RASAL2: variants seen among roughly 807,000 people sequenced by gnomAD.
RASAL2 encodes the protein ras GTPase-activating protein nGAP.
RASAL2 carries 58 observed loss-of-function variants against 128.9 expected under a neutral mutation model. That is an observed-to-expected ratio of 0.45 (90% CI 0.36 to 0.56). The LOEUF is 0.56. RASAL2 is among the 20% of genes least tolerant of loss of function. The probability of loss-of-function intolerance (pLI) is 0.00; values close to 1 mark genes in which losing one functional copy is unlikely to be tolerated. For missense variants in RASAL2, 1,360 were observed against 1,601.6 expected, an observed-to-expected ratio of 0.85 and a Z score of 2.57; for synonymous variants, 561 against 580.8, an observed-to-expected ratio of 0.97 and a Z score of 0.49.
At chr1:178,464,847 T>G (rs1172579547) in intron 15 of RASAL2, among the ~76,000 whole-genome samples, 12 of 147,860 alleles carry the variant, frequency 8.1e-5, no homozygotes, top group South Asian at 2.1e-4. Context: ...TTTTTTTTTT[T>G]TTTTTTTTTG....
At chr1:178,467,166 A>T (rs1292306372) in intron 16 of RASAL2, among the ~76,000 whole-genome samples, 168 bp from the exon 17 acceptor site, 2 of 152,206 alleles carry the variant, frequency 1.3e-5, no homozygotes, top group African/African-American at 2.4e-5. Flanking sequence ...TCCAGGCACA[A>T]GGAGAAAAAT....
At chr1:178,355,614 AAAG>A (rs1670761682) in intron 3 of RASAL2, among the ~76,000 whole-genome samples, 1 of 152,220 alleles carries the variant, frequency 6.6e-6, no homozygotes, top group East Asian at 1.9e-4. Flanking sequence ...CACCAATTAT[AAAG>A]AAGAAAAAGG....
At position 178,272,199 on chromosome 1, in the gene RASAL2, T is replaced by C. The variant is rs191136534; in HGVS notation, c.203-11365T>C. Among the ~76,000 whole-genome samples, 68 of 152,290 alleles carry C rather than the reference T, an allele frequency of 4.5e-4. No homozygotes were observed. The South Asian group carries it at 7.7e-3, about 17-fold the overall frequency. On this transcript the variant is annotated intron_variant, in intron 1 of 17. Coordinates refer to ENST00000367649, the MANE Select transcript of RASAL2 (RefSeq NM_170692.4). The stretch of plus-strand genomic sequence containing the variant: ...TTGTTCATTGTTATATCCCGAGGCT[T>C]GAGTACAGTGCTTTACTTACAATAA...
intron 3 of RASAL2, among the ~76,000 whole-genome samples, chr1:178,353,675 A>G (rs903854654): frequency 1.5e-4 from 23 of 152,190 alleles, no homozygotes; most frequent in Non-Finnish European, 1.9e-4. Flanking sequence ...TTCAGTACTA[A>G]TTTTTTGGCT....
chr1:178,111,082 A>G (rs535345521), intron 1 of RASAL2, among the ~76,000 whole-genome samples: 53 of 152,236 alleles, frequency 3.5e-4, no homozygotes, highest in Admixed American at 2.9e-3. Context: ...ATATTTTGAG[A>G]TTCATCCATG....
intron 1 of RASAL2, chr1:178,123,925 G>C (rs1659802794): frequency 6.6e-6 from 1 of 152,234 alleles, no homozygotes. Context: ...CTTCTGCCTC[G>C]GCCTTCCAAA....
intron 3 of RASAL2, among the ~76,000 whole-genome samples, chr1:178,301,515 C>T (rs954018236): frequency 1.3e-5 from 2 of 152,054 alleles, no homozygotes; most frequent in African/African-American, 4.8e-5. Flanking sequence ...TCACTGCAGC[C>T]TCCACCTACT....
intron 7 of RASAL2, among the ~76,000 whole-genome samples, chr1:178,442,455 CTA>C (rs1353015051): frequency 6.6e-6 from 1 of 151,862 alleles, no homozygotes; most frequent in Non-Finnish European, 1.5e-5. Context: ...ATAGAATGAA[CTA>C]TATATAATAT....
chr1:178,107,247 C>T (rs143812038), intron 1 of RASAL2, among the ~76,000 whole-genome samples: 27 of 152,240 alleles, frequency 1.8e-4, no homozygotes, highest in African/African-American at 6.5e-4. Flanking sequence ...TTGAAGTTCA[C>T]ATTTACTGTT....
chr1:178,214,534 A>G (rs1431707292), intron 1 of RASAL2, among the ~76,000 whole-genome samples: 5 of 151,968 alleles, frequency 3.3e-5, no homozygotes, highest in Non-Finnish European at 5.9e-5. Context: ...CACACATTTT[A>G]ATCAGTAACA....
At chr1:178,332,544 A>G (rs1427607101) in intron 3 of RASAL2, among the ~76,000 whole-genome samples, 1 of 152,022 alleles carries the variant, frequency 6.6e-6, no homozygotes, top group African/African-American at 2.4e-5. Flanking sequence ...TTGTGGCCTG[A>G]CACTTTGCCA....
intron 16 of RASAL2, 74 bp downstream of exon 16, chr1:178,466,196 A>AG: frequency 1.4e-6 from 2 of 1,418,814 alleles, no homozygotes; most frequent in Non-Finnish European, 1.9e-6. Flanking sequence ...AGAACCCTGA[A>AG]GGAATGGCAG....
chr1:178,137,702 G>A (rs1660375634), intron 1 of RASAL2, among the ~76,000 whole-genome samples: 1 of 152,130 alleles, frequency 6.6e-6, no homozygotes. Context: ...TTTTGTCAGT[G>A]GTTTTAGGAA....
At chr1:178,221,199 G>C (rs1000236962) in intron 1 of RASAL2, among the ~76,000 whole-genome samples, 1 of 152,092 alleles carries the variant, frequency 6.6e-6, no homozygotes, top group African/African-American at 2.4e-5. Flanking sequence ...CTTTTCATAT[G>C]CTTATTTACC....
At chr1:178,306,861 T>C (rs1438543842) in intron 3 of RASAL2, among the ~76,000 whole-genome samples, 1 of 102,756 alleles carries the variant, frequency 9.7e-6, no homozygotes, top group Non-Finnish European at 1.9e-5. Context: ...CTGGGGACTG[T>C]TGTGGGGTGG....
chr1:178,462,365 T>C (rs1678262338), intron 14 of RASAL2, among the ~76,000 whole-genome samples: 1 of 152,180 alleles, frequency 6.6e-6, no homozygotes, highest in African/African-American at 2.4e-5. Flanking sequence ...TTATTGAGCA[T>C]CTGTTGTGTA....
At chr1:178,161,047 A>G (rs1293530337) in intron 1 of RASAL2, among the ~76,000 whole-genome samples, 6 of 150,878 alleles carry the variant, frequency 4.0e-5, no homozygotes, top group Non-Finnish European at 8.8e-5. Flanking sequence ...CTGTCTGGCT[A>G]TTTTCTGTTT....
chr1:178,332,525 A>G (rs964990325), intron 3 of RASAL2, among the ~76,000 whole-genome samples: 1 of 152,128 alleles, frequency 6.6e-6, no homozygotes, highest in Non-Finnish European at 1.5e-5. Flanking sequence ...TGTATTCTCA[A>G]AATCAATGTT....
At chr1:178,225,849 G>A (rs1414982793) in intron 1 of RASAL2, among the ~76,000 whole-genome samples, 1 of 151,704 alleles carries the variant, frequency 6.6e-6, no homozygotes, top group Non-Finnish European at 1.5e-5. Flanking sequence ...TTTTTATTGT[G>A]CTTTCTTTAT....
Sources: allele counts gnomAD v4.1 joint callset (sites outside exome capture counted in the v4.1 genomes callset), GRCh38; gene constraint gnomAD v4.1.1; transcripts MANE v1.5; gene names NCBI Gene and HGNC (gene_info 2026-07-23, HGNC 2026-07-21).